The following MAGED1 variants were observed in gnomAD, a reference collection of about 807,000 sequenced individuals.
MAGED1 encodes the protein melanoma-associated antigen D1.
Under a neutral mutation model 54.1 loss-of-function variants are expected in MAGED1, and 3 were observed. The observed-to-expected ratio is 0.06, with a 90% CI of 0.03 to 0.14. The LOEUF (loss-of-function observed/expected upper bound fraction) is 0.14, where lower values mean the gene tolerates loss of function less well. Ranked by LOEUF, MAGED1 falls within the 10% of genes least tolerant of loss-of-function variation. MAGED1 has a pLI of 1.00. For synonymous variants in MAGED1, 217 were observed against 227.3 expected, an observed-to-expected ratio of 0.95 and a Z score of 0.41; for missense variants, 485 against 623.4, an observed-to-expected ratio of 0.78 and a Z score of 2.36.
chrX:51,847,797 T>C (rs1279003952), intron 1 of MAGED1, among the ~76,000 whole-genome samples: 1 of 112,255 alleles, frequency 8.9e-6, no homozygotes, highest in African/African-American at 3.2e-5. Context: ...GTGGTGTTTA[T>C]CTTTCCATTC....
At chrX:51,821,634 C>T (rs1429492706) in intron 1 of MAGED1, among the ~76,000 whole-genome samples, 2 of 111,616 alleles carry the variant, frequency 1.8e-5, no homozygotes, top group African/African-American at 6.5e-5. Flanking sequence ...AAGCAACCTG[C>T]CCGCCTTGGC....
rs189687974 is a variant in MAGED1 at position 51,887,367 on chromosome X, G to T, written c.-36-6902G>T. Reference sequence around the variant, plus strand: ...TCCCAAAATATATGGAAAGACAAAAGAACCAGAATAATACATAAAATAATT... The same window carrying T: ...TCCCAAAATATATGGAAAGACAAAATAACCAGAATAATACATAAAATAATT... On this transcript the variant is annotated intron_variant, in intron 1 of 12. Transcript: ENST00000375772. Among the ~76,000 whole-genome samples, 285 of 110,960 alleles carry T rather than the reference G, an allele frequency of 2.6e-3. 1 individual carries two copies. The highest frequency in any genetic ancestry group is 4.6e-3 in the Middle Eastern group (1 of 217).
rs781958944 is a variant in MAGED1 at position 51,896,744 on chromosome X, C to T, written c.1089C>T (p.Pro363=). ...TCTGGCCAAACCCCATTGTCTGGCC[C>T]GGCCCTGTTGTCTGGCCGAATCCAC... The part of the protein sequence containing the change: ...PVIWPNPIVW[P]GPVVWPNPLA... Residue 363 remains proline, a synonymous_variant, in exon 4 of 13, where the codon CCC becomes CCT. Transcript: ENST00000326587. 23 of 1,210,402 alleles carry T rather than the reference C, an allele frequency of 1.9e-5. No individual in the cohort carries two copies. The highest frequency in any genetic ancestry group is 5.9e-5 in the East Asian group (2 of 33,780).
At chrX:51,897,183 T>G (rs1928796564) in intron 4 of MAGED1, 25 bp from the exon 5 acceptor site, 3 of 1,205,098 alleles carry the variant, frequency 2.5e-6, no homozygotes, top group Non-Finnish European at 1.1e-6. Flanking sequence ...TTTATAAGTT[T>G]AATGATTTCC....
rs905803436 is a variant in MAGED1, at chrX:51,844,816, A to C, written c.-37+41699A>C. Among the ~76,000 whole-genome samples, 29 of 112,042 alleles carry C rather than the reference A, an allele frequency of 2.6e-4. 1 individual carries two copies. The highest frequency in any genetic ancestry group is 2.5e-3 in the Admixed American group (26 of 10,552). ...GACATACACAAGAGACCCACAAGGC[A>C]TTTTAGAAGGTTGTAGCAGCAGAAA... is the stretch of plus-strand genomic sequence containing the variant. On this transcript the variant is annotated intron_variant, in intron 1 of 12. Transcript: ENST00000375772.
At chrX:51,834,720 G>A (rs1325802516) in intron 1 of MAGED1, among the ~76,000 whole-genome samples, 1 of 111,273 alleles carries the variant, frequency 9.0e-6, no homozygotes, top group Non-Finnish European at 1.9e-5. Flanking sequence ...TCCGTAGTTA[G>A]TCTTTTTACC....
At chrX:51,810,695 AC>A (rs1925190117) in intron 1 of MAGED1, among the ~76,000 whole-genome samples, 1 of 111,848 alleles carries the variant, frequency 8.9e-6, no homozygotes, top group Admixed American at 9.5e-5. Flanking sequence ...CTATAGGAGC[AC>A]AGAGAGGACA....
chrX:51,902,137 T>C lies in MAGED1; in HGVS notation c.*9-9T>C, dbSNP rs1173737056. On this transcript the variant is annotated splice_polypyrimidine_tract_variant and intron_variant, in intron 12 of 12. Coordinates refer to ENST00000326587, the MANE Select transcript of MAGED1 (RefSeq NM_006986.4). ...TGATTTTTTTACTTCTTCTTTCTTATGTTCACAGATATTGCTATCAATCGC... is the reference window on the plus strand; with the variant it reads ...TGATTTTTTTACTTCTTCTTTCTTACGTTCACAGATATTGCTATCAATCGC... 1 of 361,314 alleles carries C rather than the reference T, an allele frequency of 2.8e-6. No individual in the cohort carries two copies. Among genetic ancestry groups the C allele is most frequent in the Non-Finnish European group, 4.6e-6 (1 of 215,809 alleles). The allele number at this position is 361,314 out of a possible 1,213,427, so 29.8% of individuals were successfully genotyped here.
chrX:51,897,480 G>C (rs146321617), intron 5 of MAGED1, 67 bp from the exon 6 acceptor site: 3 of 934,107 alleles, frequency 3.2e-6, no homozygotes, highest in Non-Finnish European at 4.6e-6. Context: ...CCCCAGCAGG[G>C]CTGGCAAAGG....
intron 1 of MAGED1, among the ~76,000 whole-genome samples, chrX:51,839,922 G>T (rs995614150): frequency 5.4e-5 from 6 of 112,042 alleles, no homozygotes; most frequent in African/African-American, 6.5e-5. Context: ...CTCAAAATGT[G>T]GTCCAGGGAG....
chrX:51,837,348 C>G (rs1447425017), intron 1 of MAGED1, among the ~76,000 whole-genome samples: 1 of 111,496 alleles, frequency 9.0e-6, no homozygotes, highest in African/African-American at 3.3e-5. Context: ...TTATTCATTT[C>G]TAATCCTTAC....
chrX:51,882,952 A>G (rs1023307445), intron 1 of MAGED1, among the ~76,000 whole-genome samples: 1 of 111,755 alleles, frequency 8.9e-6, no homozygotes, highest in South Asian at 3.8e-4. Flanking sequence ...CAGCCTCCCA[A>G]AGTGCTGGGA....
In MAGED1 at chrX:51,842,852, A is replaced by AT. The variant is rs781996272; in HGVS notation, c.-37+39751dup. On this transcript the variant is annotated intron_variant, in intron 1 of 12. Transcript: ENST00000375772. ...AGGTGCGCACCACCATGGCTGGCTA[A>AT]TTTTTTTTTTTTTTTTATGTTTGGT... Among the ~76,000 whole-genome samples the AT allele has an allele frequency of 8.2e-3, 797 of 97,109 alleles. 7 individuals carry two copies. The highest frequency in any genetic ancestry group is 0.017 in the African/African-American group (455 of 26,793). 84.3% of individuals were successfully genotyped at this position (97,109 alleles called of 115,157 possible).
At chrX:51,824,819 TATAC>T (rs1311622441) in intron 1 of MAGED1, among the ~76,000 whole-genome samples, 1 of 99,733 alleles carries the variant, frequency 1.0e-5, no homozygotes, top group Non-Finnish European at 2.0e-5. Flanking sequence ...TATATGTATA[TATAC>T]ATATATATAT....
intron 1 of MAGED1, among the ~76,000 whole-genome samples, chrX:51,813,467 C>A (rs1925300964): frequency 8.9e-6 from 1 of 112,142 alleles, no homozygotes; most frequent in Non-Finnish European, 1.9e-5. Context: ...AATGTAAGAA[C>A]CCTCACTCCT....
At chrX:51,842,939 C>T (rs1456306053) in intron 1 of MAGED1, among the ~76,000 whole-genome samples, 3 of 110,898 alleles carry the variant, frequency 2.7e-5, no homozygotes, top group Middle Eastern at 4.2e-3. Context: ...AAGTGATCCA[C>T]CCGCCTCAGC....
At chrX:51,842,275 G>T (rs782326561) in intron 1 of MAGED1, among the ~76,000 whole-genome samples, 1 of 111,908 alleles carries the variant, frequency 8.9e-6, no homozygotes. Context: ...AGAGTTTCCG[G>T]TTTGTTGGTG....
chrX:51,859,607 G>T (rs1376422098), intron 1 of MAGED1, among the ~76,000 whole-genome samples: 1 of 111,715 alleles, frequency 9.0e-6, no homozygotes, highest in Non-Finnish European at 1.9e-5. Context: ...TAGAACCTGT[G>T]AATATATATT....
At chrX:51,817,862 A>G (rs146724094) in intron 1 of MAGED1, among the ~76,000 whole-genome samples, 20 of 112,245 alleles carry the variant, frequency 1.8e-4, no homozygotes, top group African/African-American at 6.1e-4. Context: ...AAAAGCAGCT[A>G]TTGACCCTGT....
Sources: allele counts gnomAD v4.1 joint callset (sites outside exome capture counted in the v4.1 genomes callset), GRCh38; gene constraint gnomAD v4.1.1; transcripts MANE v1.5; gene names NCBI Gene and HGNC (gene_info 2026-07-23, HGNC 2026-07-21).